The following NCF2 variants were observed in gnomAD, a reference collection of about 807,000 sequenced individuals.
NCF2 encodes neutrophil cytosol factor 2.
NCF2 carries 45 observed loss-of-function variants against 70.9 expected under a neutral mutation model. The ratio of observed to expected loss-of-function variants is 0.63; its 90% CI spans 0.50 to 0.81. The LOEUF is 0.81. Among genes scored for constraint, NCF2 ranks in the 40% least tolerant of loss-of-function variants. NCF2 has a pLI of 0.00. For synonymous variants in NCF2, 203 were observed against 233.6 expected (o/e 0.87, Z 1.19); for missense variants, 522 against 631.6 (o/e 0.83, Z 1.86).
Position 183,563,236 on chromosome 1 carries a change from C to T in NCF2, c.1249G>A (p.Val417Met). 1 of 1,614,190 alleles carries T rather than the reference C, an allele frequency of 6.2e-7. No individual in the cohort carries two copies. Among genetic ancestry groups the T allele is most frequent in the Non-Finnish European group, 8.5e-7 (1 of 1,180,030 alleles). Reference sequence around the variant, plus strand: ...CACAGAGTCAGGCAGTAGTTTTTCACCTGGCCCCAGGCATCCTTCATGCTG... The same window carrying T: ...CACAGAGTCAGGCAGTAGTTTTTCATCTGGCCCCAGGCATCCTTCATGCTG... ...EDSMKDAWGQ[V>M]KNYCLTLWCE... is the part of the protein sequence containing the mutation. Residue 417 changes from valine (V) to methionine (M), a missense_variant, in exon 13 of 15, where the codon GTG becomes ATG. Val to Met is a conservative substitution (Grantham distance 21). Coordinates refer to ENST00000367535, the MANE Select transcript of NCF2 (RefSeq NM_000433.4).
At chr1:183,601,724 G>A in the NCF2 span, among the ~76,000 whole-genome samples, 13 of 152,030 alleles carry the variant, frequency 8.6e-5, no homozygotes, top group African/African-American at 3.1e-4. Context: ...TGGGCATGGC[G>A]GCGGGCACCT....
intron 3 of NCF2, 146 bp from the exon 4 acceptor site, chr1:183,574,767 A>T: frequency 1.0e-6 from 1 of 992,998 alleles, no homozygotes; most frequent in Non-Finnish European, 1.5e-6. Context: ...AATATAGTGC[A>T]ATTAGTCTTG....
the NCF2 span, among the ~76,000 whole-genome samples, chr1:183,595,969 T>C: frequency 6.6e-6 from 1 of 152,184 alleles, no homozygotes; most frequent in Non-Finnish European, 1.5e-5. Flanking sequence ...TCTTCTTCCC[T>C]GACTTACCAG....
At chr1:183,573,395 A>C in intron 4 of NCF2, 103 bp from the exon 5 acceptor site, 1 of 1,081,418 alleles carries the variant, frequency 9.2e-7, no homozygotes, top group Non-Finnish European at 1.4e-6. Context: ...TGAGATAACC[A>C]CATAGAAGCC....
At chr1:183,591,276 G>A (rs1373385985), upstream of NCF2, among the ~76,000 whole-genome samples, 3 of 152,196 alleles carry the variant, frequency 2.0e-5, no homozygotes, top group Admixed American at 2.0e-4. Flanking sequence ...TGTGTCACTG[G>A]GCCTTGATTT....
intron 2 of NCF2, among the ~76,000 whole-genome samples, chr1:183,578,401 A>C (rs1267397832): frequency 6.6e-6 from 1 of 150,382 alleles, no homozygotes; most frequent in Non-Finnish European, 1.5e-5. Flanking sequence ...TGTATTGCCC[A>C]GGCTGGAGTG....
At chr1:183,600,175 T>G in the NCF2 span, among the ~76,000 whole-genome samples, 2 of 152,246 alleles carry the variant, frequency 1.3e-5, no homozygotes. Flanking sequence ...GATCGGCTCC[T>G]AAGTTTAAAA....
chr1:183,587,755 G>T (rs191296619), intron 1 of NCF2, among the ~76,000 whole-genome samples: 9 of 152,082 alleles, frequency 5.9e-5, no homozygotes, highest in African/African-American at 1.9e-4. Context: ...TTTAAAAATG[G>T]ACTTGACAAT....
intron 10 of NCF2, among the ~76,000 whole-genome samples, chr1:183,564,670 G>A (rs1202710863): frequency 6.6e-6 from 1 of 152,104 alleles, no homozygotes; most frequent in African/African-American, 2.4e-5. Flanking sequence ...AGTAGCCTAG[G>A]ACTCTGTATT....
rs35012521 is a variant in NCF2 at position 183,563,229 on chromosome 1, T to A, written c.1256A>T (p.Asn419Ile). 12,817 of 1,614,052 alleles carry A rather than the reference T, an allele frequency of 7.9e-3. 78 individuals are homozygous for A. Among genetic ancestry groups the A allele is most frequent in the South Asian group, 0.011 (964 of 91,086 alleles). ...SMKDAWGQVK[N>I]YCLTLWCENT... Reference sequence around the variant, plus strand: ...CTCACACCACAGAGTCAGGCAGTAGTTTTTCACCTGGCCCCAGGCATCCTT... The same window carrying A: ...CTCACACCACAGAGTCAGGCAGTAGATTTTCACCTGGCCCCAGGCATCCTT... The change falls in exon 13 of 15, where the codon AAC becomes ATC. Residue 419 changes from asparagine (N) to isoleucine (I), a missense_variant. Transcript: ENST00000367535.
In NCF2 at chr1:183,578,355, CT is replaced by C. The variant is rs10689990; in HGVS notation, c.258-649del. Among the ~76,000 whole-genome samples the C allele has an allele frequency of 1.3e-4, 19 of 149,076 alleles. No individual in the cohort carries two copies. The South Asian group carries it at 1.9e-3, about 15-fold the overall frequency. On this transcript the variant is annotated intron_variant, in intron 2 of 14. Coordinates refer to ENST00000367535, the MANE Select transcript of NCF2 (RefSeq NM_000433.4). Reference sequence around the variant, plus strand: ...CACTTATGCTATATAGTATTTCCTCCTTTTTTTTTTCTTTTTTTTTGAGACA... The same window carrying C: ...CACTTATGCTATATAGTATTTCCTCCTTTTTTTTTCTTTTTTTTTGAGACA...
intron 2 of NCF2, among the ~76,000 whole-genome samples, chr1:183,585,745 T>C (rs1047540625): frequency 2.4e-4 from 36 of 152,266 alleles, no homozygotes; most frequent in African/African-American, 7.5e-4. Flanking sequence ...TTTGAAATTA[T>C]CACTTAGAAT....
chr1:183,556,543 C>G (rs1316378306), intron 14 of NCF2, among the ~76,000 whole-genome samples: 2 of 152,112 alleles, frequency 1.3e-5, no homozygotes, highest in Non-Finnish European at 2.9e-5. Flanking sequence ...CCTTTCCCCA[C>G]CCCCAACCTT....
intron 5 of NCF2, 63 bp downstream of exon 5, chr1:183,573,122 C>T: frequency 6.8e-7 from 1 of 1,465,560 alleles, no homozygotes; most frequent in South Asian, 1.1e-5. Context: ...AGAGTCCCTC[C>T]CACCTTGCTC....
the NCF2 span, among the ~76,000 whole-genome samples, chr1:183,596,756 A>T: frequency 1.3e-5 from 2 of 148,308 alleles, no homozygotes; most frequent in South Asian, 2.1e-4. Flanking sequence ...AAAAAAAAAA[A>T]TTGCCCTTTG....
At chr1:183,570,894 T>C (rs1248573928) in intron 5 of NCF2, 55 bp from the exon 6 acceptor site, 9 of 1,576,686 alleles carry the variant, frequency 5.7e-6, no homozygotes, top group African/African-American at 1.3e-5. Flanking sequence ...TCCATTCTTC[T>C]GGGTCTCCCT....
Position 183,564,140 on chromosome 1 carries a change from T to C in NCF2, c.1001-110A>G. 3 of 1,049,500 alleles carry C rather than the reference T, an allele frequency of 2.9e-6. No homozygotes were observed. In the South Asian group the frequency reaches 3.8e-5, roughly 13 times the overall value. The allele number at this position is 1,049,500 out of a possible 1,614,324, so 65.0% of individuals were successfully genotyped here. ...TCTTCAAATAGGGCCCCCAACCTCT[T>C]ACCCTTTAATTTGTGGGGCAATTAT... is the stretch of plus-strand genomic sequence containing the variant. On this transcript the variant is annotated intron_variant, in intron 10 of 14. Coordinates refer to ENST00000367535, the MANE Select transcript of NCF2 (RefSeq NM_000433.4).
intron 14 of NCF2, among the ~76,000 whole-genome samples, chr1:183,557,043 T>G (rs1019950031): frequency 7.2e-5 from 11 of 152,222 alleles, no homozygotes; most frequent in Admixed American, 6.5e-4. Context: ...TAGCTCCTAC[T>G]CAGAGCCTTT....
intron 14 of NCF2, 86 bp from the exon 15 acceptor site, chr1:183,556,316 C>A: frequency 8.0e-7 from 1 of 1,252,572 alleles, no homozygotes; most frequent in Non-Finnish European, 1.2e-6. Flanking sequence ...AATTTGTTAT[C>A]TGTCACCCTT....
Sources: gnomAD v4.1 joint callset for allele counts (sites outside exome capture counted in the v4.1 genomes callset) on GRCh38, gnomAD v4.1.1 for gene constraint, MANE v1.5 for transcripts, NCBI Gene and HGNC (gene_info 2026-07-23, HGNC 2026-07-21) for gene names.